ST3GAL3: variants seen among roughly 807,000 people sequenced by gnomAD.
ST3GAL3 encodes ST3 beta-galactoside alpha-2,3-sialyltransferase 3, also known as CMP-N-acetylneuraminate-beta-1,4-galactoside alpha-2,3-sialyltransferase.
Under a neutral mutation model 50.1 loss-of-function variants are expected in ST3GAL3, and 21 were observed. The ratio of observed to expected loss-of-function variants is 0.42; its 90% CI spans 0.30 to 0.60. ST3GAL3 has a LOEUF of 0.60. Among genes scored for constraint, ST3GAL3 ranks in the 20% least tolerant of loss-of-function variants. The pLI is 0.19. For missense variants in ST3GAL3, 353 were observed against 489.4 expected (o/e 0.72, Z 2.63); for synonymous variants, 183 against 190.0 (o/e 0.96, Z 0.30).
intron 5 of ST3GAL3, among the ~76,000 whole-genome samples, chr1:43,848,263 A>G (rs1380607008): frequency 1.5e-5 from 2 of 130,984 alleles, no homozygotes; most frequent in Non-Finnish European, 3.3e-5. Flanking sequence ...GTTTCCAGCA[A>G]TTTTATTATG....
chr1:43,772,547 A>G (rs10890280), intron 2 of ST3GAL3: 42,723 of 152,146 alleles, frequency 0.28, 6,191 homozygotes, highest in Middle Eastern at 0.31. Context: ...TTTTTGAGAC[A>G]GGTTCTCACT....
chr1:43,888,000 AAC>A (rs2076206012), intron 5 of ST3GAL3, among the ~76,000 whole-genome samples: 1 of 152,154 alleles, frequency 6.6e-6, no homozygotes, highest in African/African-American at 2.4e-5. Context: ...ATGTTGAGGG[AAC>A]AGTCTTTGAA....
At chr1:43,860,488 G>T (rs750969339) in intron 5 of ST3GAL3, among the ~76,000 whole-genome samples, 3 of 152,232 alleles carry the variant, frequency 2.0e-5, no homozygotes, top group African/African-American at 4.8e-5. Context: ...AGAGACCCCA[G>T]CGTGGCCAAG....
rs1697193029 is a variant in ST3GAL3, at chr1:43,776,233, C to T, written c.119-15869C>T. Among the ~76,000 whole-genome samples the T allele has an allele frequency of 2.0e-5, 3 of 152,134 alleles. No individual in the cohort carries two copies. The South Asian group carries it at 6.2e-4, about 31-fold the overall frequency. On this transcript the variant is annotated intron_variant, in intron 2 of 11. Transcript: ENST00000347631. ...CCATTTTCCCTCAGTCACCCGTATC[C>T]CTAGGGCAACCACTGATCTGCTTTC...
In ST3GAL3 at chr1:43,792,082, C is replaced by T. The variant is rs2058150420; in HGVS notation, c.119-20C>T. ...ATTATAAGAAGGAGAAAGAAATGAACTTGTCCTCTTGTGTTGCAGATTCAG... is the reference window on the plus strand; with the variant it reads ...ATTATAAGAAGGAGAAAGAAATGAATTTGTCCTCTTGTGTTGCAGATTCAG... On this transcript the variant is annotated intron_variant, in intron 2 of 11. Transcript: ENST00000347631. 4 of 1,614,098 alleles carry T rather than the reference C, an allele frequency of 2.5e-6. No homozygotes were observed. The highest frequency in any genetic ancestry group is 4.5e-5 in the East Asian group (2 of 44,896).
At chr1:43,876,774 G>T (rs778057092) in intron 5 of ST3GAL3, among the ~76,000 whole-genome samples, 32 of 152,208 alleles carry the variant, frequency 2.1e-4, no homozygotes, top group Non-Finnish European at 2.8e-4. Context: ...GAGGAATGCT[G>T]CAGCCCAGTA....
At chr1:43,920,048 T>G (rs1405890871) in intron 9 of ST3GAL3, 1 of 357,758 alleles carries the variant, frequency 2.8e-6, no homozygotes, top group Non-Finnish European at 5.4e-6. Flanking sequence ...CTGCTGCAGA[T>G]AGGGAGGCAG....
intron 5 of ST3GAL3, among the ~76,000 whole-genome samples, chr1:43,872,251 G>A (rs1249888593): frequency 2.9e-3 from 42 of 14,256 alleles, no homozygotes; most frequent in African/African-American, 0.028. Flanking sequence ...GGGAGGAGAG[G>A]TGTGGGGGGA....
intron 2 of ST3GAL3, among the ~76,000 whole-genome samples, chr1:43,752,290 G>A (rs929351234): frequency 1.3e-5 from 2 of 152,140 alleles, no homozygotes; most frequent in Non-Finnish European, 2.9e-5. Flanking sequence ...CTGGTAAAGT[G>A]GGGACTGCTC....
At chr1:43,853,298 G>T (rs1418016752) in intron 5 of ST3GAL3, among the ~76,000 whole-genome samples, 1 of 152,200 alleles carries the variant, frequency 6.6e-6, no homozygotes, top group Non-Finnish European at 1.5e-5. Context: ...GACAGTGATA[G>T]CTCACACCTA....
chr1:43,746,127 T>G (rs1304243259), intron 2 of ST3GAL3, among the ~76,000 whole-genome samples: 1 of 152,212 alleles, frequency 6.6e-6, no homozygotes, highest in Non-Finnish European at 1.5e-5. Context: ...AATGGAATAC[T>G]AAAAAATATT....
At chr1:43,838,078 G>C in intron 4 of ST3GAL3, 141 bp from the exon 5 acceptor site, 1 of 582,194 alleles carries the variant, frequency 1.7e-6, no homozygotes, top group Non-Finnish European at 3.0e-6. Flanking sequence ...TTGCGCCACT[G>C]CACTCCAGCC....
intron 9 of ST3GAL3, among the ~76,000 whole-genome samples, chr1:43,901,359 C>T (rs955471342): frequency 2.6e-5 from 4 of 152,314 alleles, no homozygotes; most frequent in East Asian, 1.9e-4. Flanking sequence ...GGAATTGGCT[C>T]AAACACCAGT....
At chr1:43,880,091 G>A (rs1267900060) in intron 5 of ST3GAL3, among the ~76,000 whole-genome samples, 2 of 152,200 alleles carry the variant, frequency 1.3e-5, no homozygotes, top group Non-Finnish European at 2.9e-5. Flanking sequence ...GGTGGAGGCT[G>A]TCACCCCAAG....
At chr1:43,812,277 C>T (rs904364118) in intron 3 of ST3GAL3, among the ~76,000 whole-genome samples, 11 of 152,180 alleles carry the variant, frequency 7.2e-5, no homozygotes, top group Admixed American at 5.9e-4. Context: ...TAATGCGGGG[C>T]CTGCGTTGCT....
intron 9 of ST3GAL3, among the ~76,000 whole-genome samples, chr1:43,900,359 G>T (rs1570985433): frequency 1.3e-5 from 2 of 152,196 alleles, no homozygotes; most frequent in South Asian, 4.1e-4. Context: ...AGGTTCTACT[G>T]ACTGTTCTAA....
intron 5 of ST3GAL3, among the ~76,000 whole-genome samples, chr1:43,871,537 G>A (rs1281890509): frequency 1.7e-5 from 2 of 118,008 alleles, no homozygotes; most frequent in Non-Finnish European, 3.5e-5. Flanking sequence ...GTGAGGGAGA[G>A]GATGGGGTGT....
chr1:43,751,924 T>G (rs1365143415), intron 2 of ST3GAL3, among the ~76,000 whole-genome samples: 30 of 151,776 alleles, frequency 2.0e-4, no homozygotes, highest in Admixed American at 2.0e-3. Context: ...GTTCAAGCGA[T>G]TCTCCTGTCT....
chr1:43,896,448 A>G lies in ST3GAL3; in HGVS notation c.398-1787A>G, dbSNP rs117744951. On this transcript the variant is annotated intron_variant, in intron 6 of 11. Transcript: ENST00000347631. ...CTGAAGAAATAAAACATGAGACACA[A>G]TTAAAGCTTCTGCGGGTCCCTTCCC... Among the ~76,000 whole-genome samples, 248 of 152,332 alleles carry G rather than the reference A, an allele frequency of 1.6e-3. 1 individual carries two copies. The East Asian group carries it at 0.044, about 27-fold the overall frequency.
Sources: gnomAD v4.1 joint callset for allele counts (sites outside exome capture counted in the v4.1 genomes callset) on GRCh38, gnomAD v4.1.1 for gene constraint, MANE v1.5 for transcripts, NCBI Gene and HGNC (gene_info 2026-07-23, HGNC 2026-07-21) for gene names.